The following MYH10 variants were observed in gnomAD, a reference collection of about 807,000 sequenced individuals.
The protein encoded by MYH10 is myosin heavy chain 10.
MYH10 carries 55 observed loss-of-function variants against 257.8 expected under a neutral mutation model. The ratio of observed to expected loss-of-function variants is 0.21; its 90% confidence interval spans 0.17 to 0.27. The LOEUF is 0.27. Among genes scored for constraint, MYH10 ranks in the 10% least tolerant of loss-of-function variants. MYH10 has a pLI of 1.00. For synonymous variants in MYH10, 854 were observed against 921.7 expected (o/e 0.93, Z 1.33); for missense variants, 1,631 against 2,500.6 (o/e 0.65, Z 7.42).
At chr17:8,577,054 A>C (rs2083525605) in intron 5 of MYH10, among the ~76,000 whole-genome samples, 182 bp downstream of exon 5, 1 of 152,154 alleles carries the variant, frequency 6.6e-6, no homozygotes, top group Admixed American at 6.5e-5. Context: ...CTTTAACAGC[A>C]ATTTCCTTGT....
chr17:8,529,998 C>A (rs2081964855), intron 17 of MYH10, among the ~76,000 whole-genome samples: 1 of 152,098 alleles, frequency 6.6e-6, no homozygotes, highest in Admixed American at 6.6e-5. Flanking sequence ...GACAACATTC[C>A]ACTCTATTTT....
chr17:8,544,031 C>A (rs1034941547), intron 13 of MYH10, among the ~76,000 whole-genome samples: 1 of 152,024 alleles, frequency 6.6e-6, no homozygotes, highest in Non-Finnish European at 1.5e-5. Flanking sequence ...TTTAACTTAA[C>A]AATGTATCTT....
intron 3 of MYH10, among the ~76,000 whole-genome samples, chr17:8,597,317 AAAAG>A (rs1423690456): frequency 1.3e-5 from 2 of 151,940 alleles, no homozygotes; most frequent in Non-Finnish European, 2.9e-5. Flanking sequence ...AGAAAGAAAG[AAAAG>A]AAAGGAGAAG....
At chr17:8,495,963 C>G (rs1290134230) in intron 30 of MYH10, among the ~76,000 whole-genome samples, 2 of 152,118 alleles carry the variant, frequency 1.3e-5, no homozygotes, top group African/African-American at 4.8e-5. Flanking sequence ...CCTGCCCCGG[C>G]CTCCCAAAGT....
Position 8,474,745 on chromosome 17 carries a change from G to T in MYH10, c.*1059C>A, listed in dbSNP as rs1213040482. The T allele has an allele frequency of 6.5e-6, 1 of 152,746 alleles. No homozygotes were observed. The highest frequency in any genetic ancestry group is 2.4e-5 in the African/African-American group (1 of 41,456). 9.5% of individuals were successfully genotyped at this position (152,746 alleles called of 1,614,324 possible). Reference sequence around the variant, plus strand: ...GATGCTAAGTGTTCACTGTAACACTGTCCAAAGGGAAGGGAGAAGGAAAAA... The same window carrying T: ...GATGCTAAGTGTTCACTGTAACACTTTCCAAAGGGAAGGGAGAAGGAAAAA... On this transcript the variant is annotated 3_prime_UTR_variant, in exon 43 of 43. Transcript: ENST00000360416.
At chr17:8,526,037 C>T (rs4791320) in intron 17 of MYH10, among the ~76,000 whole-genome samples, 138,116 of 152,192 alleles carry the variant, frequency 0.91, 64,201 homozygotes, top group East Asian at 1. Flanking sequence ...ATGATCTGCC[C>T]GCCTTGGCCT....
At chr17:8,492,631 C>CTTTTTTTTTTTTTTTTTTTTTTTCTTT in intron 33 of MYH10, 122 bp from the exon 34 acceptor site, 1 of 949,304 alleles carries the variant, frequency 1.1e-6, no homozygotes, top group Non-Finnish European at 1.5e-6. Flanking sequence ...CTTGTATTTC[C>CTTTTTTTTTTTTTTTTTTTTTTTCTTT]TTTTTTTTTT....
intron 4 of MYH10, 116 bp downstream of exon 4, chr17:8,588,965 T>C: frequency 1.0e-6 from 1 of 958,316 alleles, no homozygotes; most frequent in Non-Finnish European, 1.6e-6. Flanking sequence ...AACTGCGAGG[T>C]TTACATCAAA....
intron 7 of MYH10, among the ~76,000 whole-genome samples, chr17:8,568,723 G>A (rs1181069737): frequency 6.6e-6 from 1 of 152,060 alleles, no homozygotes; most frequent in Non-Finnish European, 1.5e-5. Context: ...CTTACTGGAG[G>A]AATGTCCGTT....
At chr17:8,583,670 G>T (rs2083792342) in intron 4 of MYH10, among the ~76,000 whole-genome samples, 1 of 152,134 alleles carries the variant, frequency 6.6e-6, no homozygotes, top group Non-Finnish European at 1.5e-5. Flanking sequence ...CAATTTAGCT[G>T]CCTTAAAACT....
intron 16 of MYH10, among the ~76,000 whole-genome samples, chr17:8,531,237 G>A (rs1008305519): frequency 5.3e-5 from 8 of 152,100 alleles, no homozygotes; most frequent in Non-Finnish European, 8.8e-5. Context: ...AAGTTCTGTT[G>A]TAGCAAAATG....
intron 3 of MYH10, among the ~76,000 whole-genome samples, chr17:8,592,421 G>A (rs1241350301): frequency 7.9e-5 from 12 of 152,038 alleles, no homozygotes; most frequent in Admixed American, 7.2e-4. Flanking sequence ...CAGGAAAAAG[G>A]AGAAAAGGAC....
At chr17:8,534,012 T>C (rs548709823) in intron 16 of MYH10, among the ~76,000 whole-genome samples, 70 of 152,304 alleles carry the variant, frequency 4.6e-4, no homozygotes, top group Non-Finnish European at 8.7e-4. Flanking sequence ...TTTCTAGCAC[T>C]GTAGACCCCG....
intron 7 of MYH10, among the ~76,000 whole-genome samples, chr17:8,558,508 G>C (rs995954412): frequency 6.6e-6 from 1 of 152,042 alleles, no homozygotes; most frequent in African/African-American, 2.4e-5. Context: ...ACAAAAAAAA[G>C]CAAAACAAAA....
At position 8,577,281 on chromosome 17, in the gene MYH10, G is replaced by C. The variant is rs773836981; in HGVS notation, c.588C>G (p.Ala196=). 3 of 1,612,786 alleles carry C rather than the reference G, an allele frequency of 1.9e-6. No individual in the cohort carries two copies. In the South Asian group the frequency reaches 3.3e-5, roughly 18 times the overall value. ...TTCCTTTATGTGAAGAAGCAACATGGGCAAGGTACTGAATAACTTTCTTTG... is the reference window on the plus strand; with the variant it reads ...TTCCTTTATGTGAAGAAGCAACATGCGCAAGGTACTGAATAACTTTCTTTG... ...ENTKKVIQYL[A]HVASSHKGRK... The change falls in exon 5 of 43, where the codon GCC becomes GCG. Residue 196 remains alanine, a synonymous_variant. Coordinates refer to ENST00000360416, the MANE Select transcript of MYH10 (RefSeq NM_001256012.3).
At chr17:8,563,247 A>C (rs181554880) in intron 7 of MYH10, among the ~76,000 whole-genome samples, 1 of 152,296 alleles carries the variant, frequency 6.6e-6, no homozygotes, top group African/African-American at 2.4e-5. Context: ...CTCCAAACCA[A>C]ACCAGAAGCT....
chr17:8,607,876 A>G (rs2084870513), intron 2 of MYH10, among the ~76,000 whole-genome samples: 1 of 152,228 alleles, frequency 6.6e-6, no homozygotes, highest in Admixed American at 6.5e-5. Context: ...GGGGCAGAAC[A>G]CAACAAACCC....
intron 4 of MYH10, among the ~76,000 whole-genome samples, chr17:8,585,359 A>G (rs1012475218): frequency 5.4e-5 from 8 of 147,246 alleles, no homozygotes; most frequent in African/African-American, 2.0e-4. Context: ...AATAAGAGAA[A>G]AGGCATACAA....
intron 4 of MYH10, among the ~76,000 whole-genome samples, chr17:8,584,608 A>G (rs985235478): frequency 2.0e-5 from 3 of 152,188 alleles, no homozygotes; most frequent in African/African-American, 7.2e-5. Flanking sequence ...GCTACTTGGC[A>G]TCAGTCTAGA....
Sources: allele counts gnomAD v4.1 joint callset (sites outside exome capture counted in the v4.1 genomes callset), GRCh38; gene constraint gnomAD v4.1.1; transcripts MANE v1.5; gene names NCBI Gene and HGNC (gene_info 2026-07-23, HGNC 2026-07-21).